Variants in ATG2A observed in about 807,000 individuals in gnomAD.
The protein encoded by ATG2A is autophagy-related protein 2 homolog A.
In ATG2A, 103 loss-of-function variants were observed where a neutral mutation model predicts 214.2. The observed-to-expected ratio is 0.48, with a 90% CI of 0.41 to 0.57. ATG2A has a LOEUF of 0.57. Ranked by LOEUF, ATG2A falls within the 20% of genes least tolerant of loss-of-function variation. The pLI is 0.00. For missense variants in ATG2A, 2,312 were observed against 2,613.2 expected, an observed-to-expected ratio of 0.88 and a Z score of 2.51; for synonymous variants, 1,160 against 1,142.1, an observed-to-expected ratio of 1.02 and a Z score of -0.32.
At position 64,902,180 on chromosome 11, in the gene ATG2A, T is replaced by C. The variant is rs747552446; in HGVS notation, c.3905-4A>G. ...GACGCCTGAGGGAGGTGGCCACCTA[T>C]AGGAGAGAGGCCAGTTTGGAGAGGC... On this transcript the variant is annotated splice_polypyrimidine_tract_variant and splice_region_variant and intron_variant, in intron 28 of 40. Transcript: ENST00000377264. 3.1e-6 allele frequency: 5 copies of C among 1,612,790 alleles called. No homozygotes were observed. The highest frequency in any genetic ancestry group is 2.2e-5 in the South Asian group (2 of 91,078).
intron 22 of ATG2A, 66 bp from the exon 23 acceptor site, chr11:64,905,914 C>T: frequency 6.6e-7 from 1 of 1,505,474 alleles, no homozygotes; most frequent in Non-Finnish European, 9.2e-7. Flanking sequence ...CTAACCCCTC[C>T]CTGTCCTGGC....
At chr11:64,897,017 CTG>C (rs1692130553) in intron 37 of ATG2A, 148 bp from the exon 38 acceptor site, 11 of 1,093,908 alleles carry the variant, frequency 1.0e-5, no homozygotes, top group South Asian at 3.4e-5. Context: ...TGCAGAGGGA[CTG>C]TGTCCTTTTT....
At chr11:64,897,609 C>A in intron 36 of ATG2A, 62 bp downstream of exon 36, 1 of 1,610,520 alleles carries the variant, frequency 6.2e-7, no homozygotes, top group Non-Finnish European at 8.5e-7. Context: ...AAGACCTGGC[C>A]CCCAGAGGGA....
In ATG2A at chr11:64,915,261, G is replaced by A. The variant is rs531448959; in HGVS notation, c.172-761C>T. ...CCTGCCAACCTGGAAGCTCCTGGAG[G>A]GCTGTACCCCACCTGCCTCCCCCGT... On this transcript the variant is annotated intron_variant, in intron 1 of 40. Transcript: ENST00000377264. Among the ~76,000 whole-genome samples, 9 of 151,896 alleles carry A rather than the reference G, an allele frequency of 5.9e-5. No homozygotes were observed. The East Asian group carries it at 1.7e-3, about 29-fold the overall frequency.
At position 64,911,027 on chromosome 11, in the gene ATG2A, C is replaced by A; in HGVS notation, c.1466+11G>T. The A allele has an allele frequency of 6.2e-7, 1 of 1,613,906 alleles. No homozygotes were observed. Among genetic ancestry groups the A allele is most frequent in the South Asian group, 1.1e-5 (1 of 91,086 alleles). ...ATGGTCTCTCCTCAGGCCCTGGCCT[C>A]GGGCTTATACCGAACATGGCTACAG... On this transcript the variant is annotated intron_variant, in intron 10 of 40. Transcript: ENST00000377264.
intron 38 of ATG2A, 43 bp downstream of exon 38, chr11:64,896,705 A>G: frequency 1.2e-6 from 2 of 1,609,812 alleles, no homozygotes; most frequent in Non-Finnish European, 8.5e-7. Flanking sequence ...AGGTTGCCCA[A>G]GGGTAAAAGC....
chr11:64,908,898 G>T, intron 16 of ATG2A, 93 bp downstream of exon 16: 1 of 1,459,980 alleles, frequency 6.8e-7, no homozygotes, highest in Non-Finnish European at 9.2e-7. Context: ...TGGTCGTGCT[G>T]CCCTGGCCCA....
In ATG2A at chr11:64,902,196, TTG is replaced by T. The variant is rs746641974; in HGVS notation, c.3905-22_3905-21del. 1 of 1,612,654 alleles carries T rather than the reference TTG, an allele frequency of 6.2e-7. No homozygotes were observed. Among genetic ancestry groups the T allele is most frequent in the Non-Finnish European group, 8.5e-7 (1 of 1,179,924 alleles). On this transcript the variant is annotated intron_variant, in intron 28 of 40. Coordinates refer to ENST00000377264, the MANE Select transcript of ATG2A (RefSeq NM_015104.3). ...GGCCACCTATAGGAGAGAGGCCAGT[TTG>T]GAGAGGCGCCCACAGTGGGTGCCTG...
Position 64,906,117 on chromosome 11 carries a change from G to A in ATG2A, c.3260C>T (p.Ser1087Phe), listed in dbSNP as rs950919697. 1 of 1,579,244 alleles carries A rather than the reference G, an allele frequency of 6.3e-7. No homozygotes were observed. The highest frequency in any genetic ancestry group is 1.8e-5 in the Admixed American group (1 of 54,516). The stretch of plus-strand genomic sequence containing the variant: ...CTTCCCACCACCCACGCTCACCTGG[G>A]AATGCCAGCTCTGCTCGGGCAGGGC... ...YMALPEQSWH[S>F]QLLEFLDVLD... Residue 1087 changes from serine (S) to phenylalanine (F), a missense_variant, in exon 22 of 41, where the codon TCC becomes TTC. Coordinates refer to ENST00000377264, the MANE Select transcript of ATG2A (RefSeq NM_015104.3).
chr11:64,909,428 A>G (rs1169130354), intron 14 of ATG2A, 61 bp from the exon 15 acceptor site: 5 of 1,547,964 alleles, frequency 3.2e-6, no homozygotes, highest in Admixed American at 1.7e-5. Flanking sequence ...TTCTTCCCCA[A>G]TGCCCAGGTC....
chr11:64,907,738 G>A lies in ATG2A; in HGVS notation c.2507+10C>T, dbSNP rs753429351. The A allele has an allele frequency of 1.7e-5, 27 of 1,612,736 alleles. No homozygotes were observed. The highest frequency in any genetic ancestry group is 1.1e-4 in the African/African-American group (8 of 74,920). On this transcript the variant is annotated intron_variant, in intron 17 of 40. Coordinates refer to ENST00000377264, the MANE Select transcript of ATG2A (RefSeq NM_015104.3). ...TGTCCAGTCCCGCCCTGCTGGCCCC[G>A]GGTCTCCACCTGTTGTAGATGCTCT...
rs1233914282 is a variant in ATG2A at position 64,913,192 on chromosome 11, T to A, written c.727-56A>T. 2 of 1,607,496 alleles carry A rather than the reference T, an allele frequency of 1.2e-6. No individual in the cohort carries two copies. The highest frequency in any genetic ancestry group is 4.5e-5 in the East Asian group (2 of 44,698). ...GTTGAGAAAATGGAGTCAGAGATGG[T>A]CAGAAAGGATGGGAGGGGCTCAATG... On this transcript the variant is annotated intron_variant, in intron 5 of 40. Transcript: ENST00000377264. The surrounding 1 kb of genome is among the most constrained non-coding windows in gnomAD (Gnocchi z 4.3).
At position 64,903,433 on chromosome 11, in the gene ATG2A, A is replaced by T; in HGVS notation, c.3536-69T>A. Reference sequence around the variant, plus strand: ...CGGCCCCGGCCCCAGCACCTGGGGGAAGGATCCGGTTGATCCAGGTGTAGT... The same window carrying T: ...CGGCCCCGGCCCCAGCACCTGGGGGTAGGATCCGGTTGATCCAGGTGTAGT... On this transcript the variant is annotated intron_variant, in intron 25 of 40. Transcript: ENST00000377264. The surrounding 1 kb of genome is among the most constrained non-coding windows in gnomAD (Gnocchi z 4.2). 6.4e-7 allele frequency: 1 copy of T among 1,571,920 alleles called. No individual in the cohort carries two copies. Among genetic ancestry groups the T allele is most frequent in the South Asian group, 1.1e-5 (1 of 89,016 alleles).
chr11:64,902,205 C>T (rs370762071), intron 28 of ATG2A, 29 bp from the exon 29 acceptor site: 20 of 1,612,566 alleles, frequency 1.2e-5, no homozygotes, highest in East Asian at 4.5e-5. Context: ...TTTGGAGAGG[C>T]GCCCACAGTG....
At position 64,910,683 on chromosome 11, in the gene ATG2A, C is replaced by A. The variant is rs747727321; in HGVS notation, c.1640G>T (p.Gly547Val). Residue 547 changes from glycine (G) to valine (V), a missense_variant, in exon 12 of 41, where the codon GGC (glycine) becomes GTC (valine). Physicochemically the swap from Gly to Val is moderately radical, Grantham distance 109. Coordinates refer to ENST00000377264, the MANE Select transcript of ATG2A (RefSeq NM_015104.3). ...TEILTFPGTLGSQASARPCAH... is the reference protein window; with the variant it reads ...TEILTFPGTLVSQASARPCAH... Reference sequence around the variant, plus strand: ...GCAGGGCCGAGCTGAGGCCTGGGAGCCCAGCGTACCAGGAAAGGTCAGGAT... The same window carrying A: ...GCAGGGCCGAGCTGAGGCCTGGGAGACCAGCGTACCAGGAAAGGTCAGGAT... 1 of 1,610,162 alleles carries A rather than the reference C, an allele frequency of 6.2e-7. No individual in the cohort carries two copies. Among genetic ancestry groups the A allele is most frequent in the African/African-American group, 1.3e-5 (1 of 74,944 alleles).
In ATG2A at chr11:64,906,809, C is replaced by A; in HGVS notation, c.2839G>T (p.Gly947Cys). The stretch of plus-strand genomic sequence containing the variant: ...TGCACAGCCTCCAGCCGCTTCCCAC[C>A]CTCATCCTGCAGAAGGAGCACACAG... ...ITALCETKDE[G>C]GKRLEAVHGE... is the part of the protein sequence containing the mutation. Residue 947 changes from glycine (G) to cysteine (C), a missense_variant, in exon 20 of 41, where the codon GGT becomes TGT. Coordinates refer to ENST00000377264, the MANE Select transcript of ATG2A (RefSeq NM_015104.3). 1 of 1,612,808 alleles carries A rather than the reference C, an allele frequency of 6.2e-7. No homozygotes were observed. The highest frequency in any genetic ancestry group is 8.5e-7 in the Non-Finnish European group (1 of 1,179,790).
At position 64,902,550 on chromosome 11, in the gene ATG2A, C is replaced by T. The variant is rs766832311; in HGVS notation, c.3743G>A (p.Arg1248Gln). 33 of 625,022 alleles carry T rather than the reference C, an allele frequency of 5.3e-5. No homozygotes were observed. The highest frequency in any genetic ancestry group is 7.7e-5 in the Non-Finnish European group (28 of 362,192). 38.7% of individuals were successfully genotyped at this position (625,022 alleles called of 1,614,324 possible). ...MSTGDLHPPP[R>Q]PPSPTEIAGQ... ...GGCGATCTCCGTGGGGCTGGGGGGC[C>T]GGGGTGGGGGGTGCAGATCGCCTGT... The change falls in exon 27 of 41, where the codon CGG becomes CAG. Residue 1248 changes from arginine to glutamine, a missense_variant. Arg to Gln is a conservative substitution (Grantham distance 43). Coordinates refer to ENST00000377264, the MANE Select transcript of ATG2A (RefSeq NM_015104.3).
chr11:64,902,332 T>C lies in ATG2A; in HGVS notation c.3832A>G (p.Ile1278Val). ...PSCPPVETAL[I>V]NQRDLADALL... ...GCGTCGGCCAGGTCACGCTGGTTGA[T>C]GAGGGCCGTCTCCACTGGGGGGCAC... The change falls in exon 28 of 41, where the codon ATC (isoleucine) becomes GTC (valine). Residue 1278 changes from isoleucine (I) to valine (V), a missense_variant. Ile to Val is a conservative substitution (Grantham distance 29, BLOSUM62 3). Transcript: ENST00000377264. 3 of 1,609,300 alleles carry C rather than the reference T, an allele frequency of 1.9e-6. No individual in the cohort carries two copies. The highest frequency in any genetic ancestry group is 1.1e-5 in the South Asian group (1 of 90,468).
chr11:64,908,942 G>C, intron 16 of ATG2A, 49 bp downstream of exon 16: 3 of 1,538,058 alleles, frequency 2.0e-6, no homozygotes, highest in Non-Finnish European at 2.6e-6. Flanking sequence ...GCAGGAACCC[G>C]GGCGGTGGGC....
Sources: allele counts gnomAD v4.1 joint callset (sites outside exome capture counted in the v4.1 genomes callset), GRCh38; gene constraint gnomAD v4.1.1; non-coding constraint Gnocchi (gnomAD v3.1); transcripts MANE v1.5; gene names NCBI Gene and HGNC (gene_info 2026-07-23, HGNC 2026-07-21).